TNS4: variants seen among roughly 807,000 people sequenced by gnomAD.
The protein encoded by TNS4 is tensin-4.
TNS4 carries 46 observed loss-of-function variants against 70.4 expected under a neutral mutation model. The observed-to-expected ratio is 0.65, with a 90% confidence interval of 0.52 to 0.84. TNS4 has a LOEUF of 0.84. Ranked by LOEUF, TNS4 falls within the 40% of genes least tolerant of loss-of-function variation. TNS4 has a pLI of 0.00. For synonymous variants in TNS4, 390 were observed against 366.6 expected (o/e 1.06, Z -0.73); for missense variants, 863 against 907.0 (o/e 0.95, Z 0.62).
intron 2 of TNS4, among the ~76,000 whole-genome samples, chr17:40,491,892 G>A (rs899317613): frequency 4.6e-5 from 7 of 152,168 alleles, no homozygotes; most frequent in South Asian, 2.1e-4. Context: ...CACTTGGGGC[G>A]GGTAAACAGC....
intron 2 of TNS4, among the ~76,000 whole-genome samples, chr17:40,490,098 T>C (rs1438847258): frequency 1.3e-5 from 2 of 152,194 alleles, no homozygotes; most frequent in Non-Finnish European, 2.9e-5. Context: ...GAACCCTGCT[T>C]TGGAGCAGGC....
At chr17:40,499,942 A>G (rs1462450995) in intron 1 of TNS4, among the ~76,000 whole-genome samples, 1 of 152,214 alleles carries the variant, frequency 6.6e-6, no homozygotes, top group East Asian at 1.9e-4. Context: ...CTTTTGTGCC[A>G]CGCTGGGCAA....
chr17:40,496,156 G>A lies in TNS4; in HGVS notation c.270C>T (p.Thr90=), dbSNP rs1203872808. 6.2e-7 allele frequency: 1 copy of A among 1,610,288 alleles called. No individual in the cohort carries two copies. The highest frequency in any genetic ancestry group is 1.1e-5 in the South Asian group (1 of 90,624). The change falls in exon 2 of 13, where the codon ACC becomes ACT. Residue 90 remains threonine (T), a synonymous_variant. Coordinates refer to ENST00000254051, the MANE Select transcript of TNS4 (RefSeq NM_032865.6). The stretch of plus-strand genomic sequence containing the variant: ...CAATGTAGGAGTCAAGGTCCTCTGG[G>A]GTCCCCAAGGCCTTCTCACCAGGGG... The part of the protein sequence containing the change: ...LPSPGEKALG[T]PEDLDSYIDF...
Position 40,498,494 on chromosome 17 carries a change from C to T in TNS4, c.-95-1974G>A, listed in dbSNP as rs1348040988. On this transcript the variant is annotated intron_variant, in intron 1 of 12. Transcript: ENST00000254051. ...GACCATGTGCCAAATAGTTTACATA[C>T]GAATTACATTGGTAACTCAATCCTC... Among the ~76,000 whole-genome samples, 6 of 152,294 alleles carry T rather than the reference C, an allele frequency of 3.9e-5. 1 individual carries two copies. The South Asian group carries it at 1.0e-3, about 26-fold the overall frequency.
chr17:40,480,289 G>A (rs2035904644), intron 9 of TNS4, among the ~76,000 whole-genome samples: 1 of 152,166 alleles, frequency 6.6e-6, no homozygotes, highest in South Asian at 2.1e-4. Context: ...ATGTGTGCTG[G>A]CCTCTGGGAG....
At chr17:40,477,924 T>C in intron 12 of TNS4, 195 bp from the exon 13 acceptor site, 1 of 616,722 alleles carries the variant, frequency 1.6e-6, no homozygotes, top group Non-Finnish European at 2.8e-6. Context: ...GGGAGATTTC[T>C]GAGTTCAAGC....
At position 40,492,375 on chromosome 17, in the gene TNS4, C is replaced by CTT. The variant is rs554257226; in HGVS notation, c.440-3408_440-3407dup. On this transcript the variant is annotated intron_variant, in intron 2 of 12. Coordinates refer to ENST00000254051, the MANE Select transcript of TNS4 (RefSeq NM_032865.6). ...ACTGGGATCATGGATTACATGGAGT[C>CTT]TTTTTTTTTTTGAGACAGGGTCTCA... Among the ~76,000 whole-genome samples the CTT allele has an allele frequency of 4.3e-3, 644 of 148,256 alleles. 5 individuals carry two copies. Among genetic ancestry groups the CTT allele is most frequent in the Non-Finnish European group, 5.7e-3 (378 of 66,756 alleles).
intron 2 of TNS4, among the ~76,000 whole-genome samples, chr17:40,494,426 T>C (rs982592500): frequency 1.3e-5 from 2 of 152,116 alleles, no homozygotes. Flanking sequence ...AGCTTTTCAT[T>C]TGCAAAACAG....
intron 1 of TNS4, 93 bp from the exon 2 acceptor site, chr17:40,496,613 T>A: frequency 3.3e-6 from 2 of 610,990 alleles, no homozygotes; most frequent in Non-Finnish European, 5.4e-6. Context: ...TTCATTCATT[T>A]AAAAGCATGG....
Position 40,477,474 on chromosome 17 carries a change from G to T in TNS4, c.*114C>A. ...TGTCAACTTGATGCCAATCCCCCTA[G>T]TCCCATAGATTGGTCTGTCAATATG... On this transcript the variant is annotated 3_prime_UTR_variant, in exon 13 of 13. Transcript: ENST00000254051. 7.0e-7 allele frequency: 1 copy of T among 1,419,116 alleles called. No homozygotes were observed. The highest frequency in any genetic ancestry group is 9.6e-7 in the Non-Finnish European group (1 of 1,040,874). The allele number at this position is 1,419,116 out of a possible 1,614,324, so 87.9% of individuals were successfully genotyped here.
chr17:40,482,250 C>T, intron 7 of TNS4, 44 bp from the exon 8 acceptor site: 1 of 1,613,964 alleles, frequency 6.2e-7, no homozygotes, highest in Non-Finnish European at 8.5e-7. Flanking sequence ...GCTTCCCCAA[C>T]CCACCCCTCA....
chr17:40,486,647 G>A (rs1017928091), intron 4 of TNS4, among the ~76,000 whole-genome samples: 2 of 151,076 alleles, frequency 1.3e-5, no homozygotes, highest in African/African-American at 2.4e-5. Context: ...CATGCCATGC[G>A]CTTCCACACC....
intron 1 of TNS4, 38 bp from the exon 2 acceptor site, chr17:40,496,558 T>A: frequency 1.1e-6 from 1 of 918,710 alleles, no homozygotes; most frequent in Non-Finnish European, 1.6e-6. Context: ...GTAATTTCTG[T>A]AGGTGAAGCC....
chr17:40,498,182 A>G lies in TNS4; in HGVS notation c.-95-1662T>C, dbSNP rs539076843. Reference sequence around the variant, plus strand: ...TCCTGTTTTGGAGTCAGACCTTAGCACTGGAAAAGGTATCTGAGACTAGCC... The same window carrying G: ...TCCTGTTTTGGAGTCAGACCTTAGCGCTGGAAAAGGTATCTGAGACTAGCC... On this transcript the variant is annotated intron_variant, in intron 1 of 12. Coordinates refer to ENST00000254051, the MANE Select transcript of TNS4 (RefSeq NM_032865.6). 1.3e-4 allele frequency among the ~76,000 whole-genome samples: 20 copies of G among 152,114 alleles called. No homozygotes were observed. In the South Asian group the frequency reaches 4.2e-3, roughly 32 times the overall value.
rs754109031 is a variant in TNS4, at chr17:40,478,338, A to AG, written c.1980-6dup. ...GGTTTGCAGTACTTCTGCCACCTGT[A>AG]GGAAAAGAACATGATACCGAGTAAT... On this transcript the variant is annotated splice_polypyrimidine_tract_variant and splice_region_variant and intron_variant, in intron 11 of 12. Coordinates refer to ENST00000254051, the MANE Select transcript of TNS4 (RefSeq NM_032865.6). The AG allele has an allele frequency of 1.9e-6, 3 of 1,609,852 alleles. No individual in the cohort carries two copies. The Admixed American group carries it at 5.1e-5, about 28-fold the overall frequency.
At chr17:40,484,043 C>T (rs1402487000) in intron 6 of TNS4, among the ~76,000 whole-genome samples, 2 of 152,156 alleles carry the variant, frequency 1.3e-5, no homozygotes, top group African/African-American at 4.8e-5. Context: ...CATGGGAGAC[C>T]ACAGGAAAGC....
In TNS4 at chr17:40,487,107, C is replaced by T. The variant is rs778538038; in HGVS notation, c.1217G>A (p.Ser406Asn). The T allele has an allele frequency of 1.9e-6, 3 of 1,614,174 alleles. No individual in the cohort carries two copies. Among genetic ancestry groups the T allele is most frequent in the Non-Finnish European group, 2.5e-6 (3 of 1,180,028 alleles). ...NSVQPGAASP[S>N]NPCPATRSNS... ...GCTCCTGGTGGCTGGACAGGGGTTG[C>T]TGGGAGAAGCAGCTCCAGGTTGAAC... The change falls in exon 4 of 13, where the codon AGC becomes AAC. Residue 406 changes from serine (S) to asparagine (N), a missense_variant. By Grantham distance (46) the Ser-to-Asn change is conservative. Coordinates refer to ENST00000254051, the MANE Select transcript of TNS4 (RefSeq NM_032865.6).
At chr17:40,498,423 T>C (rs1024316010) in intron 1 of TNS4, among the ~76,000 whole-genome samples, 5 of 152,236 alleles carry the variant, frequency 3.3e-5, no homozygotes, top group East Asian at 3.8e-4. Flanking sequence ...TAAGGACTTA[T>C]GGAGTATAAC....
chr17:40,486,471 C>T (rs973847184), intron 4 of TNS4, among the ~76,000 whole-genome samples: 11 of 152,108 alleles, frequency 7.2e-5, no homozygotes, highest in Non-Finnish European at 1.6e-4. Context: ...CCTCTGACCC[C>T]ATCACTCTCC....
Sources: allele counts gnomAD v4.1 joint callset (sites outside exome capture counted in the v4.1 genomes callset), GRCh38; gene constraint gnomAD v4.1.1; transcripts MANE v1.5; gene names NCBI Gene and HGNC (gene_info 2026-07-23, HGNC 2026-07-21).